KIF6: variants seen among roughly 807,000 people sequenced by gnomAD.
KIF6 encodes the protein kinesin-like protein KIF6.
KIF6 carries 106 observed loss-of-function variants against 112.7 expected under a neutral mutation model. The ratio of observed to expected loss-of-function variants is 0.94; its 90% CI spans 0.80 to 1.11. The LOEUF (loss-of-function observed/expected upper bound fraction) is 1.11. KIF6 is among the 50% of genes least tolerant of loss of function. KIF6 has a pLI of 0.00. For missense variants in KIF6, 929 were observed against 964.0 expected (o/e 0.96, Z 0.48); for synonymous variants, 339 against 339.9 (o/e 1.00, Z 0.03).
chr6:39,560,342 T>C (rs974469414), intron 10 of KIF6, among the ~76,000 whole-genome samples: 3 of 152,264 alleles, frequency 2.0e-5, no homozygotes, highest in African/African-American at 7.2e-5. Flanking sequence ...CAGAGAGCTA[T>C]AAAACTGTTT....
intron 3 of KIF6, among the ~76,000 whole-genome samples, chr6:39,675,842 C>G (rs1392821507): frequency 6.6e-6 from 1 of 151,546 alleles, no homozygotes; most frequent in Non-Finnish European, 1.5e-5. Context: ...TTTAAAAACT[C>G]AATATAAGGG....
intron 13 of KIF6, among the ~76,000 whole-genome samples, chr6:39,447,145 A>G (rs1033246041): frequency 6.6e-6 from 1 of 152,156 alleles, no homozygotes; most frequent in African/African-American, 2.4e-5. Flanking sequence ...GTCTGCCTCT[A>G]CTGTTTCTGT....
At chr6:39,382,900 T>G (rs560416375) in intron 16 of KIF6, among the ~76,000 whole-genome samples, 1 of 145,420 alleles carries the variant, frequency 6.9e-6, no homozygotes, top group South Asian at 2.1e-4. Context: ...GATTTTGATT[T>G]GCATCTTTCT....
chr6:39,409,822 T>A (rs1044339014), intron 15 of KIF6, among the ~76,000 whole-genome samples: 1 of 152,196 alleles, frequency 6.6e-6, no homozygotes, highest in Non-Finnish European at 1.5e-5. Context: ...GTTTCCAGAG[T>A]AGTTGACAAG....
At chr6:39,669,852 A>G (rs1786695610) in intron 3 of KIF6, among the ~76,000 whole-genome samples, 1 of 152,240 alleles carries the variant, frequency 6.6e-6, no homozygotes, top group Non-Finnish European at 1.5e-5. Flanking sequence ...CTTGGACTCC[A>G]GCATACGCAG....
chr6:39,355,059 G>A (rs2150245772), intron 19 of KIF6, among the ~76,000 whole-genome samples: 1 of 152,214 alleles, frequency 6.6e-6, no homozygotes, highest in Middle Eastern at 3.4e-3. Flanking sequence ...GGTGGCACGT[G>A]CCTGTAATCC....
chr6:39,649,405 G>A (rs1465356349), intron 3 of KIF6, among the ~76,000 whole-genome samples: 1 of 152,156 alleles, frequency 6.6e-6, no homozygotes, highest in African/African-American at 2.4e-5. Context: ...AAATTGTTTT[G>A]TGTGAGAAAA....
chr6:39,720,468 T>C (rs762614099), intron 2 of KIF6, among the ~76,000 whole-genome samples: 1 of 152,076 alleles, frequency 6.6e-6, no homozygotes, highest in South Asian at 2.1e-4. Flanking sequence ...ACAGAGCTAG[T>C]AAAGAAAGGC....
chr6:39,340,857 T>A (rs1327607368), intron 22 of KIF6, among the ~76,000 whole-genome samples: 1 of 152,088 alleles, frequency 6.6e-6, no homozygotes, highest in East Asian at 1.9e-4. Context: ...GCTTGTAGGC[T>A]TCTTGAGGGG....
At chr6:39,674,117 G>A (rs1786996626) in intron 3 of KIF6, among the ~76,000 whole-genome samples, 1 of 152,040 alleles carries the variant, frequency 6.6e-6, no homozygotes, top group Non-Finnish European at 1.5e-5. Flanking sequence ...AAGAAAATCT[G>A]AAAGTAATAT....
At chr6:39,583,146 A>C in intron 9 of KIF6, 1 of 258,934 alleles carries the variant, frequency 3.9e-6, no homozygotes, top group Non-Finnish European at 7.9e-6. Context: ...AAACAAACAA[A>C]CAAACAAACA....
At chr6:39,463,389 T>C (rs1469882374) in intron 13 of KIF6, among the ~76,000 whole-genome samples, 1 of 152,214 alleles carries the variant, frequency 6.6e-6, no homozygotes, top group Non-Finnish European at 1.5e-5. Flanking sequence ...AAAAACATGT[T>C]ATTTTTTCAG....
At chr6:39,390,038 A>G (rs1767743638) in intron 15 of KIF6, among the ~76,000 whole-genome samples, 1 of 150,814 alleles carries the variant, frequency 6.6e-6, no homozygotes, top group Admixed American at 6.6e-5. Context: ...CTCCAAAAAA[A>G]AAAAAAAAAA....
chr6:39,451,753 T>A (rs1174874403), intron 13 of KIF6, among the ~76,000 whole-genome samples: 1 of 152,258 alleles, frequency 6.6e-6, no homozygotes, highest in Admixed American at 6.5e-5. Flanking sequence ...GTGAAATGCA[T>A]GCAGGGCATT....
intron 16 of KIF6, among the ~76,000 whole-genome samples, chr6:39,370,346 G>A (rs1765873217): frequency 6.6e-6 from 1 of 152,166 alleles, no homozygotes; most frequent in Non-Finnish European, 1.5e-5. Flanking sequence ...AACCTCTAAT[G>A]AAGATGGTTA....
intron 13 of KIF6, among the ~76,000 whole-genome samples, chr6:39,475,792 AG>A (rs1774393847): frequency 6.6e-6 from 1 of 152,194 alleles, no homozygotes; most frequent in Admixed American, 6.5e-5. Context: ...CTTTTGAGGT[AG>A]GCTTTCCTTT....
intron 13 of KIF6, among the ~76,000 whole-genome samples, chr6:39,461,625 T>C (rs1210684108): frequency 6.6e-6 from 1 of 152,206 alleles, no homozygotes; most frequent in Non-Finnish European, 1.5e-5. Flanking sequence ...TATATTTACA[T>C]GTATTTTTAT....
intron 5 of KIF6, among the ~76,000 whole-genome samples, chr6:39,619,927 T>C (rs1360872504): frequency 6.6e-6 from 1 of 152,232 alleles, no homozygotes; most frequent in East Asian, 1.9e-4. Context: ...TTCTGTATTA[T>C]GTTAATCTAA....
intron 3 of KIF6, among the ~76,000 whole-genome samples, chr6:39,649,773 GAAAAGA>G (rs1561897501): frequency 3.3e-4 from 29 of 87,942 alleles, no homozygotes; most frequent in African/African-American, 1.0e-3. Flanking sequence ...AAGAAAGAAA[GAAAAGA>G]AACTAAACTA....
Sources: gnomAD v4.1 joint callset for allele counts (sites outside exome capture counted in the v4.1 genomes callset) on GRCh38, gnomAD v4.1.1 for gene constraint, MANE v1.5 for transcripts, NCBI Gene and HGNC (gene_info 2026-07-23, HGNC 2026-07-21) for gene names.